The following CDKAL1 variants were observed in gnomAD, a reference collection of about 807,000 sequenced individuals.
CDKAL1 encodes CDKAL1 threonylcarbamoyladenosine tRNA methylthiotransferase.
Under a neutral mutation model 68.2 loss-of-function variants are expected in CDKAL1, and 32 were observed. That is an observed-to-expected ratio of 0.47 (90% confidence interval 0.35 to 0.63). The LOEUF (loss-of-function observed/expected upper bound fraction) is 0.63. CDKAL1 is among the 30% of genes least tolerant of loss of function. The probability of loss-of-function intolerance (pLI) is 0.00; values close to 1 mark genes in which losing one functional copy is unlikely to be tolerated. For missense variants in CDKAL1, 606 were observed against 696.7 expected (o/e 0.87, Z 1.47); for synonymous variants, 234 against 244.3 (o/e 0.96, Z 0.39).
At chr6:21,203,501 G>T (rs1272226025) in intron 15 of CDKAL1, among the ~76,000 whole-genome samples, 1 of 151,482 alleles carries the variant, frequency 6.6e-6, no homozygotes, top group Non-Finnish European at 1.5e-5. Flanking sequence ...TTCCCAAAGT[G>T]CTGGAATTAC....
intron 13 of CDKAL1, among the ~76,000 whole-genome samples, chr6:21,148,893 A>T (rs1173090500): frequency 1.3e-5 from 2 of 152,208 alleles, no homozygotes; most frequent in Non-Finnish European, 2.9e-5. Context: ...AAAAAAGAAT[A>T]AACTGTATGA....
At chr6:20,623,723 C>T (rs1309367759) in intron 4 of CDKAL1, among the ~76,000 whole-genome samples, 3 of 152,026 alleles carry the variant, frequency 2.0e-5, no homozygotes. Context: ...ATGCAGTAGA[C>T]CTTTATTTTA....
intron 11 of CDKAL1, among the ~76,000 whole-genome samples, chr6:21,008,599 A>G (rs557589209): frequency 2.5e-4 from 38 of 152,200 alleles, no homozygotes; most frequent in Admixed American, 5.9e-4. Flanking sequence ...TCCAAATTTC[A>G]TGAGTATTCA....
intron 13 of CDKAL1, among the ~76,000 whole-genome samples, chr6:21,115,945 C>G (rs1256843827): frequency 3.3e-5 from 5 of 149,526 alleles, no homozygotes; most frequent in African/African-American, 1.2e-4. Flanking sequence ...CTGTTTCCTG[C>G]TTCAGCAGAG....
chr6:20,640,918 A>T (rs1768143587), intron 4 of CDKAL1, among the ~76,000 whole-genome samples: 1 of 152,202 alleles, frequency 6.6e-6, no homozygotes, highest in African/African-American at 2.4e-5. Context: ...GTGACAGGCC[A>T]AGTTTATTGC....
At chr6:20,789,062 T>A (rs1264995069) in intron 8 of CDKAL1, among the ~76,000 whole-genome samples, 1 of 152,200 alleles carries the variant, frequency 6.6e-6, no homozygotes. Flanking sequence ...ATGATTGTTT[T>A]GTAGAAAAGA....
At chr6:20,880,588 T>G (rs1760761627) in intron 9 of CDKAL1, among the ~76,000 whole-genome samples, 2 of 152,234 alleles carry the variant, frequency 1.3e-5, no homozygotes, top group South Asian at 4.2e-4. Context: ...TTATAATATT[T>G]AAATATATAA....
intron 9 of CDKAL1, among the ~76,000 whole-genome samples, chr6:20,927,388 A>G (rs1763235144): frequency 6.6e-6 from 1 of 152,228 alleles, no homozygotes; most frequent in South Asian, 2.1e-4. Context: ...AATGGCTGCA[A>G]ACAGTCTTCA....
intron 15 of CDKAL1, among the ~76,000 whole-genome samples, chr6:21,214,885 G>GAATC (rs1323295453): frequency 1.3e-5 from 2 of 151,716 alleles, no homozygotes; most frequent in African/African-American, 4.8e-5. Context: ...ATGAATGAAT[G>GAATC]AATGAATGAA....
chr6:20,704,144 GAAAC>G (rs1245144951), intron 5 of CDKAL1, among the ~76,000 whole-genome samples: 5 of 152,102 alleles, frequency 3.3e-5, no homozygotes, highest in South Asian at 2.1e-4. Context: ...GGTAGGGAGA[GAAAC>G]AAACAAACAT....
intron 13 of CDKAL1, among the ~76,000 whole-genome samples, chr6:21,117,421 T>G (rs1325679444): frequency 6.6e-6 from 1 of 151,850 alleles, no homozygotes. Context: ...GCGGATCTGT[T>G]GAACCCAGGA....
chr6:20,883,180 T>C (rs1581758538), intron 9 of CDKAL1, among the ~76,000 whole-genome samples: 1 of 152,168 alleles, frequency 6.6e-6, no homozygotes, highest in African/African-American at 2.4e-5. Flanking sequence ...CCTTCCCAGA[T>C]CTGTATCAAA....
chr6:20,732,994 A>G (rs1196567981), intron 5 of CDKAL1, among the ~76,000 whole-genome samples: 1 of 152,190 alleles, frequency 6.6e-6, no homozygotes, highest in East Asian at 1.9e-4. Flanking sequence ...TGCCCTTGTA[A>G]AGCAGATGGA....
chr6:20,876,009 A>T (rs1430326393), intron 9 of CDKAL1, among the ~76,000 whole-genome samples: 1 of 152,262 alleles, frequency 6.6e-6, no homozygotes, highest in Non-Finnish European at 1.5e-5. Context: ...GACCGAATTG[A>T]AAAAGGCTAA....
At chr6:20,720,181 G>A (rs926812721) in intron 5 of CDKAL1, among the ~76,000 whole-genome samples, 4 of 152,076 alleles carry the variant, frequency 2.6e-5, no homozygotes, top group African/African-American at 9.7e-5. Context: ...GTGGCTTTAA[G>A]TCATTTGGTG....
At chr6:21,166,827 ACTGT>A (rs1374570819) in intron 13 of CDKAL1, among the ~76,000 whole-genome samples, 1 of 152,198 alleles carries the variant, frequency 6.6e-6, no homozygotes, top group Non-Finnish European at 1.5e-5. Flanking sequence ...CCCCACTCTG[ACTGT>A]CTGTCTCATG....
intron 15 of CDKAL1, among the ~76,000 whole-genome samples, chr6:21,215,477 G>C (rs990879307): frequency 6.6e-6 from 1 of 152,128 alleles, no homozygotes; most frequent in African/African-American, 2.4e-5. Context: ...TGGTGTTTTT[G>C]CCTGTGATCT....
At chr6:20,736,629 G>A (rs973812397) in intron 5 of CDKAL1, among the ~76,000 whole-genome samples, 53 of 152,016 alleles carry the variant, frequency 3.5e-4, no homozygotes, top group Middle Eastern at 3.4e-3. Flanking sequence ...AAAATTAGCC[G>A]GGCCTGGTGG....
intron 4 of CDKAL1, among the ~76,000 whole-genome samples, chr6:20,597,606 G>A (rs1252768474): frequency 6.6e-6 from 1 of 151,840 alleles, no homozygotes; most frequent in Non-Finnish European, 1.5e-5. Context: ...GTAGAGACAG[G>A]GTTTCACTAT....
Sources: gnomAD v4.1 joint callset for allele counts (sites outside exome capture counted in the v4.1 genomes callset) on GRCh38, gnomAD v4.1.1 for gene constraint, MANE v1.5 for transcripts, NCBI Gene and HGNC (gene_info 2026-07-23, HGNC 2026-07-21) for gene names.